The following KCNMA1 variants were observed in gnomAD, a reference collection of about 807,000 sequenced individuals.
KCNMA1 encodes the protein Calcium-activated potassium channel subunit alpha-1.
A neutral mutation model predicts 140.0 loss-of-function variants in KCNMA1; 29 were observed. The ratio of observed to expected loss-of-function variants is 0.21; its 90% CI spans 0.15 to 0.28. KCNMA1 has a LOEUF of 0.28. Among genes scored for constraint, KCNMA1 ranks in the 10% least tolerant of loss-of-function variants. The pLI is 1.00. For missense variants in KCNMA1, 880 were observed against 1,602.2 expected, an observed-to-expected ratio of 0.55 and a Z score of 7.70; for synonymous variants, 612 against 611.9, an observed-to-expected ratio of 1.00 and a Z score of 0.00.
intron 1 of KCNMA1, among the ~76,000 whole-genome samples, chr10:77,523,206 C>A (rs978942979): frequency 6.7e-6 from 1 of 148,580 alleles, no homozygotes; most frequent in East Asian, 2.1e-4. Flanking sequence ...TGGACGTGCC[C>A]CCCCCCCTTG....
At chr10:77,327,242 C>A (rs904641997) in intron 2 of KCNMA1, among the ~76,000 whole-genome samples, 1 of 151,600 alleles carries the variant, frequency 6.6e-6, no homozygotes, top group Admixed American at 6.6e-5. Context: ...GACAAGTTCA[C>A]CCGCCATCCC....
intron 1 of KCNMA1, among the ~76,000 whole-genome samples, chr10:77,600,098 A>C (rs1407616506): frequency 6.6e-6 from 1 of 152,202 alleles, no homozygotes; most frequent in Non-Finnish European, 1.5e-5. Flanking sequence ...GCAGTTCAGG[A>C]TTCTGATGCA....
chr10:77,117,539 C>CAAAAAAAAAAAAA (rs56926398), intron 6 of KCNMA1, among the ~76,000 whole-genome samples: 14 of 22,508 alleles, frequency 6.2e-4, no homozygotes, highest in African/African-American at 7.6e-4. Context: ...GAGTCTATCT[C>CAAAAAAAAAAAAA]AAAAAAAAAA....
At chr10:77,328,659 T>C (rs1446449054) in intron 2 of KCNMA1, among the ~76,000 whole-genome samples, 1 of 152,124 alleles carries the variant, frequency 6.6e-6, no homozygotes, top group Admixed American at 6.5e-5. Flanking sequence ...CTTTTGCAAA[T>C]AGTTGAAGAC....
At chr10:76,910,120 T>C in intron 24 of KCNMA1, 24 bp from the exon 25 acceptor site, 1 of 1,613,080 alleles carries the variant, frequency 6.2e-7, no homozygotes, top group Non-Finnish European at 8.5e-7. Context: ...AAAATAAGAA[T>C]TAGCTCTGAA....
At chr10:77,107,884 A>C (rs951662752) in intron 9 of KCNMA1, among the ~76,000 whole-genome samples, 28 of 152,170 alleles carry the variant, frequency 1.8e-4, no homozygotes, top group African/African-American at 5.8e-4. Context: ...CCACCCAAGG[A>C]CTTCTCTGCC....
At chr10:77,293,631 C>T (rs766287661) in intron 2 of KCNMA1, among the ~76,000 whole-genome samples, 2 of 152,228 alleles carry the variant, frequency 1.3e-5, no homozygotes, top group East Asian at 1.9e-4. Flanking sequence ...GTTGCAGACA[C>T]TGTATCAGAA....
Position 76,944,878 on chromosome 10 carries a change from T to C in KCNMA1, c.2797A>G (p.Ile933Val). Residue 933 changes from isoleucine (I) to valine (V), a missense_variant, in exon 23 of 28, where the codon ATT (isoleucine) becomes GTT (valine). Around this residue, in one of 13 missense-constraint regions of KCNMA1, gnomAD observed 82 missense variants for 170.1 expected, o/e 0.48. Coordinates refer to ENST00000286628, the MANE Select transcript of KCNMA1 (RefSeq NM_001161352.2). ...TTGTCCTGCAGCGAAGTATCATCAA[T>C]ATTATTCTGATTGGCTGACAGGATA... ...CVILSANQNN[I>V]DDTSLQDKEC... 1 of 1,614,068 alleles carries C rather than the reference T, an allele frequency of 6.2e-7. No homozygotes were observed. Among genetic ancestry groups the C allele is most frequent in the East Asian group, 2.2e-5 (1 of 44,878 alleles).
At chr10:77,019,491 T>G in intron 16 of KCNMA1, 1 of 233,866 alleles carries the variant, frequency 4.3e-6, no homozygotes, top group South Asian at 6.5e-5. Context: ...ATGAAGCTAT[T>G]GCTACAACAA....
intron 19 of KCNMA1, among the ~76,000 whole-genome samples, chr10:77,000,152 A>G (rs2085745046): frequency 6.6e-6 from 1 of 152,198 alleles, no homozygotes; most frequent in Admixed American, 6.5e-5. Context: ...TAGCTCAACC[A>G]GCTCTGAGCA....
intron 11 of KCNMA1, 55 bp from the exon 12 acceptor site, chr10:77,084,774 G>A (rs965435345): frequency 4.1e-5 from 51 of 1,250,686 alleles, no homozygotes; most frequent in East Asian, 7.0e-5. Context: ...AGCCATGCTC[G>A]AGTGTAGTCT....
chr10:77,543,030 ATTCTCTCTCTCT>A (rs572204858), intron 1 of KCNMA1, among the ~76,000 whole-genome samples: 3,653 of 29,808 alleles, frequency 0.12, 116 homozygotes, highest in Admixed American at 0.31. Flanking sequence ...TCTCTCTCTC[ATTCTCTCTCTCT>A]TTCTCTCTCT....
intron 2 of KCNMA1, among the ~76,000 whole-genome samples, chr10:77,288,647 G>T (rs563467854): frequency 3.2e-4 from 48 of 152,278 alleles, no homozygotes; most frequent in African/African-American, 1.1e-3. Context: ...AGGTGCAGAG[G>T]TGAGACTAGG....
At chr10:77,176,843 G>A (rs577715115) in intron 5 of KCNMA1, among the ~76,000 whole-genome samples, 3 of 152,284 alleles carry the variant, frequency 2.0e-5, no homozygotes, top group Non-Finnish European at 4.4e-5. Context: ...ATGCCAGAAG[G>A]AAATGAACGC....
chr10:77,222,722 A>G (rs997622816), intron 3 of KCNMA1, among the ~76,000 whole-genome samples: 5 of 152,220 alleles, frequency 3.3e-5, no homozygotes, highest in African/African-American at 1.2e-4. Context: ...GCAGGCCAAG[A>G]GGACCCCACC....
chr10:77,214,613 A>T (rs1326415369), intron 3 of KCNMA1, among the ~76,000 whole-genome samples: 15 of 152,122 alleles, frequency 9.9e-5, no homozygotes, highest in Admixed American at 9.8e-4. Context: ...CCTTTAGCCC[A>T]CTTTGATCAG....
chr10:77,123,474 C>T (rs2097669548), intron 5 of KCNMA1, among the ~76,000 whole-genome samples: 1 of 152,166 alleles, frequency 6.6e-6, no homozygotes, highest in African/African-American at 2.4e-5. Flanking sequence ...TGGTCCTAAC[C>T]TTCCAGCCCA....
intron 25 of KCNMA1, chr10:76,903,492 C>T (rs1224460398): frequency 2.0e-5 from 3 of 152,020 alleles, no homozygotes; most frequent in Admixed American, 1.3e-4. Flanking sequence ...CCCAGGCCTG[C>T]CTGGCCTGAT....
At chr10:76,986,633 T>C (rs1318146775) in intron 19 of KCNMA1, among the ~76,000 whole-genome samples, 1 of 152,238 alleles carries the variant, frequency 6.6e-6, no homozygotes, top group Non-Finnish European at 1.5e-5. Context: ...TAGTGTTAGC[T>C]TGTGTATTAG....
Sources: gnomAD v4.1 joint callset for allele counts (sites outside exome capture counted in the v4.1 genomes callset) on GRCh38, gnomAD v4.1.1 for gene constraint, gnomAD v4.1.1 regional missense constraint, MANE v1.5 for transcripts, NCBI Gene and HGNC (gene_info 2026-07-23, HGNC 2026-07-21) for gene names.